CSMD1: variants seen among roughly 807,000 people sequenced by gnomAD.
The protein encoded by CSMD1 is CUB and Sushi multiple domains 1.
In CSMD1, 213 loss-of-function variants were observed where a neutral mutation model predicts 417.5. That is an observed-to-expected ratio of 0.51 (90% CI 0.46 to 0.57). The LOEUF (loss-of-function observed/expected upper bound fraction) is 0.57, where lower values mean the gene tolerates loss of function less well. Among genes scored for constraint, CSMD1 ranks in the 20% least tolerant of loss-of-function variants. The pLI is 0.00. For missense variants in CSMD1, 6,923 were observed against 4,529.7 expected, an observed-to-expected ratio of 1.53 and a Z score of -15.17; for synonymous variants, 2,862 against 1,736.8, an observed-to-expected ratio of 1.65 and a Z score of -16.11.
chr8:3,726,352 A>G (rs1347736450), intron 6 of CSMD1, among the ~76,000 whole-genome samples: 1 of 152,210 alleles, frequency 6.6e-6, no homozygotes, highest in Non-Finnish European at 1.5e-5. Context: ...ATTTATTTGT[A>G]GCAATAGAAC....
chr8:4,528,600 A>G (rs539162930), intron 2 of CSMD1, among the ~76,000 whole-genome samples: 4 of 152,356 alleles, frequency 2.6e-5, no homozygotes, highest in African/African-American at 4.8e-5. Context: ...CAATAAACAT[A>G]AAGCAAAAGG....
intron 12 of CSMD1, among the ~76,000 whole-genome samples, chr8:3,455,636 G>C (rs1290178274): frequency 6.6e-6 from 1 of 152,198 alleles, no homozygotes; most frequent in Non-Finnish European, 1.5e-5. Flanking sequence ...GGATATTGCT[G>C]AACAGCAAAT....
intron 5 of CSMD1, among the ~76,000 whole-genome samples, chr8:3,761,787 T>C (rs1349578071): frequency 6.6e-6 from 1 of 152,154 alleles, no homozygotes; most frequent in East Asian, 1.9e-4. Flanking sequence ...ATTACAGGCT[T>C]GAGCAACAAT....
chr8:3,559,814 T>C (rs997362162), intron 10 of CSMD1, among the ~76,000 whole-genome samples: 6 of 152,038 alleles, frequency 3.9e-5, no homozygotes, highest in African/African-American at 1.5e-4. Flanking sequence ...CAAACAGCTA[T>C]GAGGGATTAA....
At chr8:4,814,453 G>T (rs1196777910) in intron 1 of CSMD1, among the ~76,000 whole-genome samples, 2 of 152,146 alleles carry the variant, frequency 1.3e-5, no homozygotes, top group African/African-American at 4.8e-5. Flanking sequence ...CACCATGTTG[G>T]CCAAGGTGAT....
intron 5 of CSMD1, among the ~76,000 whole-genome samples, chr8:3,910,165 T>A (rs748073299): frequency 6.6e-6 from 1 of 152,054 alleles, no homozygotes; most frequent in Non-Finnish European, 1.5e-5. Flanking sequence ...CGGACACATG[T>A]TACATCGGGG....
chr8:3,930,625 C>A (rs1214588836), intron 5 of CSMD1, among the ~76,000 whole-genome samples: 1 of 150,114 alleles, frequency 6.7e-6, no homozygotes, highest in Non-Finnish European at 1.5e-5. Context: ...GTGGCCGTGT[C>A]AGGTTATAAG....
chr8:4,605,784 G>A (rs575118862), intron 2 of CSMD1, among the ~76,000 whole-genome samples: 208 of 152,292 alleles, frequency 1.4e-3, no homozygotes, highest in Non-Finnish European at 2.1e-3. Context: ...CAAGCTCACC[G>A]GTCCAATGCT....
intron 26 of CSMD1, among the ~76,000 whole-genome samples, chr8:3,256,120 G>C (rs1013037194): frequency 3.3e-5 from 5 of 152,008 alleles, no homozygotes; most frequent in Admixed American, 1.3e-4. Context: ...CTGAGGTCAG[G>C]AGTTCCAGAC....
At chr8:4,139,317 C>A (rs117604837) in intron 3 of CSMD1, among the ~76,000 whole-genome samples, 6 of 151,792 alleles carry the variant, frequency 4.0e-5, no homozygotes, top group Admixed American at 2.0e-4. Context: ...TATACTTATA[C>A]GAAAATTTAT....
intron 3 of CSMD1, among the ~76,000 whole-genome samples, chr8:4,167,366 A>C (rs1234947717): frequency 1.3e-5 from 2 of 152,206 alleles, no homozygotes; most frequent in African/African-American, 2.4e-5. Flanking sequence ...GTGACACTTC[A>C]ATTTAAATAA....
intron 2 of CSMD1, among the ~76,000 whole-genome samples, chr8:4,487,486 G>A (rs982729843): frequency 6.6e-6 from 1 of 152,074 alleles, no homozygotes. Flanking sequence ...CCCTACAAAG[G>A]ACATGAAGTC....
chr8:4,268,863 C>T (rs942484365), intron 3 of CSMD1, among the ~76,000 whole-genome samples: 1 of 152,078 alleles, frequency 6.6e-6, no homozygotes, highest in African/African-American at 2.4e-5. Flanking sequence ...TAAAACAAAT[C>T]CCTTTCCACA....
chr8:3,510,871 A>G (rs550427568), intron 10 of CSMD1, among the ~76,000 whole-genome samples: 2 of 151,776 alleles, frequency 1.3e-5, no homozygotes, highest in African/African-American at 4.9e-5. Context: ...TTCCTTGTAA[A>G]TTTGTTTAAG....
chr8:4,855,630 G>C (rs902958387), intron 1 of CSMD1, among the ~76,000 whole-genome samples: 1 of 152,188 alleles, frequency 6.6e-6, no homozygotes, highest in African/African-American at 2.4e-5. Flanking sequence ...GAAGCCTCTG[G>C]AGCCAATGCA....
At chr8:3,545,824 T>C (rs1798634138) in intron 10 of CSMD1, among the ~76,000 whole-genome samples, 2 of 152,344 alleles carry the variant, frequency 1.3e-5, no homozygotes, top group Admixed American at 6.5e-5. Context: ...AAGCAAGTTA[T>C]TTAGTAGCAG....
rs74434222 is a variant in CSMD1, at chr8:3,461,498, G to A, written c.1561+7214C>T. ...AGTAGCTGTCTCACCTCCACCCCAG[G>A]AGCTGATTGAGATCTCTGCTCCCCG... On this transcript the variant is annotated intron_variant, in intron 12 of 69. Transcript: ENST00000635120. 2.5e-3 allele frequency among the ~76,000 whole-genome samples: 378 copies of A among 152,280 alleles called. 2 individuals are homozygous for A. Among genetic ancestry groups the A allele is most frequent in the Non-Finnish European group, 4.6e-3 (312 of 68,012 alleles).
intron 10 of CSMD1, among the ~76,000 whole-genome samples, chr8:3,524,198 C>T (rs534178255): frequency 6.6e-6 from 1 of 151,894 alleles, no homozygotes; most frequent in African/African-American, 2.4e-5. Flanking sequence ...CACATATGCA[C>T]ACACATGCAA....
intron 40 of CSMD1, among the ~76,000 whole-genome samples, chr8:3,144,529 G>C (rs1209692440): frequency 6.6e-6 from 1 of 152,020 alleles, no homozygotes; most frequent in Non-Finnish European, 1.5e-5. Flanking sequence ...CGTTGTCCAA[G>C]TCTATAGACC....
Sources: gnomAD v4.1 joint callset for allele counts (sites outside exome capture counted in the v4.1 genomes callset) on GRCh38, gnomAD v4.1.1 for gene constraint, MANE v1.5 for transcripts, NCBI Gene and HGNC (gene_info 2026-07-23, HGNC 2026-07-21) for gene names.